MKLN1: variants seen among roughly 807,000 people sequenced by gnomAD.
MKLN1 encodes muskelin 1, also known as muskelin.
MKLN1 carries 18 observed loss-of-function variants against 99.0 expected under a neutral mutation model. The observed-to-expected ratio is 0.18, with a 90% confidence interval of 0.13 to 0.27. The LOEUF is 0.27. Ranked by LOEUF, MKLN1 falls within the 10% of genes least tolerant of loss-of-function variation. The probability of loss-of-function intolerance (pLI) is 1.00; values close to 1 mark genes in which losing one functional copy is unlikely to be tolerated. For synonymous variants in MKLN1, 288 were observed against 293.2 expected, an observed-to-expected ratio of 0.98 and a Z score of 0.18; for missense variants, 621 against 875.9, an observed-to-expected ratio of 0.71 and a Z score of 3.67.
chr7:131,398,320 G>T (rs943306020), intron 5 of MKLN1, among the ~76,000 whole-genome samples: 6 of 152,116 alleles, frequency 3.9e-5, no homozygotes, highest in African/African-American at 1.2e-4. Flanking sequence ...AATAAATTAA[G>T]TGCCTGCTTT....
chr7:131,443,174 T>C (rs908438189), intron 10 of MKLN1, among the ~76,000 whole-genome samples: 13 of 152,190 alleles, frequency 8.5e-5, no homozygotes, highest in Non-Finnish European at 2.9e-5. Context: ...TCACCCAGAA[T>C]ATAAGTATTC....
Position 131,401,667 on chromosome 7 carries a change from G to A in MKLN1, c.703+2234G>A, listed in dbSNP as rs1263612541. On this transcript the variant is annotated intron_variant, in intron 6 of 17. Coordinates refer to ENST00000352689, the MANE Select transcript of MKLN1 (RefSeq NM_013255.5). ...TAGTTGTTAATTATAGGCATATCTT[G>A]GAGATATTGCAGGTTTGGTTCCAGA... Among the ~76,000 whole-genome samples, 54 of 152,034 alleles carry A rather than the reference G, an allele frequency of 3.6e-4. 1 individual carries two copies. Among genetic ancestry groups the A allele is most frequent in the Non-Finnish European group, 4.4e-5 (3 of 67,980 alleles).
At chr7:131,267,737 A>G (rs556570491) in intron 3 of MKLN1, among the ~76,000 whole-genome samples, 169 of 152,336 alleles carry the variant, frequency 1.1e-3, no homozygotes, top group African/African-American at 3.8e-3. Flanking sequence ...TTCAGTCAGC[A>G]TATCTTTATT....
At chr7:131,230,703 A>G (rs994450150) in intron 3 of MKLN1, among the ~76,000 whole-genome samples, 3 of 152,120 alleles carry the variant, frequency 2.0e-5, no homozygotes, top group Admixed American at 1.3e-4. Flanking sequence ...TGCAGGGTCA[A>G]TTTCAATTGC....
intron 3 of MKLN1, among the ~76,000 whole-genome samples, chr7:131,268,739 C>T (rs1441598016): frequency 6.6e-6 from 1 of 152,180 alleles, no homozygotes. Flanking sequence ...CAGTCTAGCT[C>T]CATGCTCAGC....
chr7:131,423,643 T>G (rs1795269387), intron 8 of MKLN1, among the ~76,000 whole-genome samples: 1 of 152,220 alleles, frequency 6.6e-6, no homozygotes. Context: ...GAAAGTGCTT[T>G]TATTTTTTTA....
chr7:131,161,976 T>C (rs1796059163), intron 2 of MKLN1, among the ~76,000 whole-genome samples: 1 of 49,852 alleles, frequency 2.0e-5, no homozygotes, highest in Non-Finnish European at 3.6e-5. Context: ...TATATATATA[T>C]ATATATATAT....
At chr7:131,372,336 C>CT (rs1172205097) in intron 1 of MKLN1, among the ~76,000 whole-genome samples, 2 of 151,724 alleles carry the variant, frequency 1.3e-5, no homozygotes, top group African/African-American at 2.4e-5. Flanking sequence ...TGGGAAAAAG[C>CT]TTTTTTTGTG....
intron 2 of MKLN1, among the ~76,000 whole-genome samples, chr7:131,201,511 A>G (rs1360061295): frequency 6.6e-6 from 1 of 152,206 alleles, no homozygotes; most frequent in African/African-American, 2.4e-5. Flanking sequence ...GAAGGCTACT[A>G]CTTCTAGGCA....
chr7:131,419,999 T>C (rs1277239323), intron 8 of MKLN1, among the ~76,000 whole-genome samples: 2 of 152,166 alleles, frequency 1.3e-5, no homozygotes, highest in Admixed American at 1.3e-4. Flanking sequence ...TGAGAAGTGA[T>C]TATAGCATTG....
intron 2 of MKLN1, among the ~76,000 whole-genome samples, chr7:131,195,246 C>T (rs538870110): frequency 1.3e-5 from 2 of 152,272 alleles, no homozygotes; most frequent in African/African-American, 4.8e-5. Context: ...CACGGTGGCT[C>T]ATGGCTGTAA....
intron 6 of MKLN1, among the ~76,000 whole-genome samples, chr7:131,409,597 C>G (rs1357070699): frequency 6.6e-6 from 1 of 152,070 alleles, no homozygotes; most frequent in Non-Finnish European, 1.5e-5. Flanking sequence ...TCATAATTAC[C>G]CAGAAAAGAA....
At chr7:131,245,041 C>T (rs781747620) in intron 3 of MKLN1, among the ~76,000 whole-genome samples, 9 of 152,150 alleles carry the variant, frequency 5.9e-5, no homozygotes, top group African/African-American at 9.7e-5. Context: ...AAAGGCTTTA[C>T]GCCTTGTTGG....
At chr7:131,137,529 G>A (rs1433709403) in intron 1 of MKLN1, among the ~76,000 whole-genome samples, 1 of 152,108 alleles carries the variant, frequency 6.6e-6, no homozygotes, top group Non-Finnish European at 1.5e-5. Flanking sequence ...CTAGATTTGT[G>A]AGAGAGATGT....
intron 3 of MKLN1, among the ~76,000 whole-genome samples, chr7:131,234,142 G>A (rs755493125): frequency 9.2e-5 from 14 of 151,956 alleles, no homozygotes; most frequent in Non-Finnish European, 1.8e-4. Flanking sequence ...ACCACGCCCG[G>A]CTAATTTTTG....
intron 2 of MKLN1, among the ~76,000 whole-genome samples, chr7:131,162,772 G>A (rs1416388927): frequency 1.3e-5 from 2 of 152,136 alleles, no homozygotes; most frequent in Admixed American, 1.3e-4. Context: ...CGAAAACTTA[G>A]TGCAAAAAAC....
At chr7:131,318,379 G>A (rs1336455074) in intron 3 of MKLN1, among the ~76,000 whole-genome samples, 1 of 152,072 alleles carries the variant, frequency 6.6e-6, no homozygotes, top group African/African-American at 2.4e-5. Context: ...CGAAATTAAG[G>A]CAGATAAAGA....
chr7:131,369,870 C>T (rs1000230093), intron 1 of MKLN1, among the ~76,000 whole-genome samples: 1 of 152,124 alleles, frequency 6.6e-6, no homozygotes, highest in Non-Finnish European at 1.5e-5. Flanking sequence ...GAGTTTTGGT[C>T]TTGCTGCCCA....
At chr7:131,345,013 C>G (rs1162634721) in intron 1 of MKLN1, among the ~76,000 whole-genome samples, 2 of 152,138 alleles carry the variant, frequency 1.3e-5, no homozygotes, top group Non-Finnish European at 2.9e-5. Flanking sequence ...ACCATGTTGG[C>G]CAGGCTGGTC....
Sources: allele counts gnomAD v4.1 joint callset (sites outside exome capture counted in the v4.1 genomes callset), GRCh38; gene constraint gnomAD v4.1.1; transcripts MANE v1.5; gene names NCBI Gene and HGNC (gene_info 2026-07-23, HGNC 2026-07-21).